Variants in LSAMP observed in about 807,000 individuals in gnomAD.
LSAMP encodes the protein limbic system-associated membrane protein.
In LSAMP, 7 loss-of-function variants were observed where a neutral mutation model predicts 38.6. The observed-to-expected ratio is 0.18, with a 90% confidence interval of 0.10 to 0.34. The LOEUF (loss-of-function observed/expected upper bound fraction) is 0.34. Ranked by LOEUF, LSAMP falls within the 10% of genes least tolerant of loss-of-function variation. LSAMP has a pLI of 1.00. For synonymous variants in LSAMP, 154 were observed against 166.8 expected (o/e 0.92, Z 0.59); for missense variants, 313 against 420.0 (o/e 0.75, Z 2.23).
intron 1 of LSAMP, among the ~76,000 whole-genome samples, chr3:116,276,937 C>T (rs1386334015): frequency 6.6e-6 from 1 of 152,112 alleles, no homozygotes; most frequent in East Asian, 1.9e-4. Context: ...AGTGCACTCA[C>T]GTTTCTCAGG....
chr3:116,263,364 C>T (rs904779405), intron 1 of LSAMP, among the ~76,000 whole-genome samples: 25 of 151,994 alleles, frequency 1.6e-4, no homozygotes, highest in African/African-American at 3.9e-4. Context: ...ATGGTGAAAC[C>T]CCATTTCTAC....
chr3:116,422,815 C>G (rs1418907788), intron 1 of LSAMP, among the ~76,000 whole-genome samples: 1 of 152,202 alleles, frequency 6.6e-6, no homozygotes, highest in Non-Finnish European at 1.5e-5. Context: ...TAGGTCTCAA[C>G]TGTAATATTA....
At chr3:116,253,054 G>A (rs1390890022) in intron 1 of LSAMP, among the ~76,000 whole-genome samples, 1 of 152,124 alleles carries the variant, frequency 6.6e-6, no homozygotes, top group Non-Finnish European at 1.5e-5. Context: ...AGATGTTCTA[G>A]CCTTGGATTA....
chr3:115,929,833 C>CCCGACGACGCACCGG (rs1937551653), intron 3 of LSAMP, among the ~76,000 whole-genome samples: 1 of 152,012 alleles, frequency 6.6e-6, no homozygotes, highest in South Asian at 2.1e-4. Context: ...CATGCACCCT[C>CCCGACGACGCACCGG]TAGCTTCTTG....
At chr3:115,972,583 C>T (rs1470747000) in intron 3 of LSAMP, among the ~76,000 whole-genome samples, 2 of 151,420 alleles carry the variant, frequency 1.3e-5, no homozygotes, top group Non-Finnish European at 3.0e-5. Flanking sequence ...ATTACTGAAG[C>T]CCTGTTACTA....
chr3:116,185,364 C>T (rs919795217), intron 1 of LSAMP, among the ~76,000 whole-genome samples: 7 of 151,982 alleles, frequency 4.6e-5, no homozygotes, highest in African/African-American at 1.7e-4. Context: ...GATACTTGCT[C>T]TTCTTTTACA....
intron 1 of LSAMP, among the ~76,000 whole-genome samples, chr3:116,178,555 G>C (rs1349981421): frequency 6.6e-6 from 1 of 152,160 alleles, no homozygotes; most frequent in Non-Finnish European, 1.5e-5. Flanking sequence ...CATACAGAGA[G>C]AGTAGAAGGC....
intron 1 of LSAMP, among the ~76,000 whole-genome samples, chr3:116,223,804 G>A (rs929532340): frequency 2.0e-5 from 3 of 152,158 alleles, no homozygotes; most frequent in African/African-American, 7.2e-5. Flanking sequence ...GGTTCATGGT[G>A]ATTCCAGTCC....
At chr3:116,401,813 A>G (rs1379034302) in intron 1 of LSAMP, among the ~76,000 whole-genome samples, 1 of 152,204 alleles carries the variant, frequency 6.6e-6, no homozygotes, top group Non-Finnish European at 1.5e-5. Flanking sequence ...ACATAAAGAG[A>G]TATATACACA....
chr3:115,944,749 T>C (rs1344481315), intron 3 of LSAMP, among the ~76,000 whole-genome samples: 1 of 152,156 alleles, frequency 6.6e-6, no homozygotes, highest in Non-Finnish European at 1.5e-5. Context: ...AGGTCACATA[T>C]CTTAGAGGTG....
At chr3:116,206,384 T>A in intron 1 of LSAMP, among the ~76,000 whole-genome samples, 1 of 151,356 alleles carries the variant, frequency 6.6e-6, no homozygotes, top group East Asian at 1.9e-4. Flanking sequence ...TTTGAAGGGT[T>A]TTTTTGGTCT....
chr3:115,905,701 A>C (rs185393724), intron 3 of LSAMP, among the ~76,000 whole-genome samples: 59 of 152,270 alleles, frequency 3.9e-4, no homozygotes, highest in Non-Finnish European at 7.5e-4. Context: ...AGCCTTACAT[A>C]AAGAAGTCAC....
chr3:115,935,382 G>C (rs1169447762), intron 3 of LSAMP, among the ~76,000 whole-genome samples: 1 of 152,128 alleles, frequency 6.6e-6, no homozygotes, highest in African/African-American at 2.4e-5. Context: ...GCTCTTGAGA[G>C]AGTCAAGTGG....
chr3:116,267,947 C>T (rs1393794082), intron 1 of LSAMP, among the ~76,000 whole-genome samples: 1 of 152,050 alleles, frequency 6.6e-6, no homozygotes, highest in East Asian at 1.9e-4. Context: ...ATGACTGGAG[C>T]ACCAAACTCT....
In LSAMP at chr3:116,436,888, C is replaced by T. The variant is rs532897270; in HGVS notation, c.155+7989G>A. ...AAAAGATACTTGCACACGCATGTTT[C>T]ATGCATGTTTATAGCAGCACAATTC... On this transcript the variant is annotated intron_variant, in intron 1 of 6. Coordinates refer to ENST00000490035, the MANE Select transcript of LSAMP (RefSeq NM_002338.5). Among the ~76,000 whole-genome samples the T allele has an allele frequency of 4.6e-5, 7 of 152,140 alleles. No homozygotes were observed. In the East Asian group the frequency reaches 1.4e-3, roughly 29 times the overall value.
intron 1 of LSAMP, among the ~76,000 whole-genome samples, chr3:116,347,806 A>T (rs559626765): frequency 2.0e-5 from 3 of 152,120 alleles, no homozygotes; most frequent in African/African-American, 4.8e-5. Context: ...AAATAGAAAT[A>T]TTATATTTTA....
chr3:116,027,353 T>G (rs755001938), intron 2 of LSAMP, among the ~76,000 whole-genome samples: 30 of 152,218 alleles, frequency 2.0e-4, no homozygotes, highest in Non-Finnish European at 4.1e-4. Flanking sequence ...TTTTTGCCAC[T>G]AATTATTTGA....
chr3:116,173,211 T>C (rs1710246359), intron 1 of LSAMP, among the ~76,000 whole-genome samples: 2 of 152,046 alleles, frequency 1.3e-5, no homozygotes, highest in African/African-American at 4.8e-5. Context: ...GTTGGATGAA[T>C]AAGTGACAAA....
intron 1 of LSAMP, among the ~76,000 whole-genome samples, chr3:116,200,298 C>T (rs2045971664): frequency 6.6e-6 from 1 of 152,102 alleles, no homozygotes; most frequent in Non-Finnish European, 1.5e-5. Flanking sequence ...AACTGGCAAG[C>T]TATAAGAGGT....
Sources: gnomAD v4.1 joint callset for allele counts (sites outside exome capture counted in the v4.1 genomes callset) on GRCh38, gnomAD v4.1.1 for gene constraint, MANE v1.5 for transcripts, NCBI Gene and HGNC (gene_info 2026-07-23, HGNC 2026-07-21) for gene names.